Variants in SND1 observed in about 807,000 individuals in gnomAD.
The protein encoded by SND1 is staphylococcal nuclease domain-containing protein 1.
A neutral mutation model predicts 121.7 loss-of-function variants in SND1; 38 were observed. That is an observed-to-expected ratio of 0.31 (90% CI 0.24 to 0.41). The LOEUF (loss-of-function observed/expected upper bound fraction) is 0.41, where lower values mean the gene tolerates loss of function less well. SND1 is among the 10% of genes least tolerant of loss of function. The pLI, the probability that SND1 is intolerant of heterozygous loss-of-function variation, is 1.00. For missense variants in SND1, 868 were observed against 1,184.6 expected, an observed-to-expected ratio of 0.73 and a Z score of 3.92; for synonymous variants, 401 against 447.4, an observed-to-expected ratio of 0.90 and a Z score of 1.31.
chr7:128,049,108 T>C (rs1022088236), intron 16 of SND1, among the ~76,000 whole-genome samples: 14 of 152,162 alleles, frequency 9.2e-5, no homozygotes, highest in African/African-American at 2.7e-4. Context: ...TTTTGCAGTG[T>C]TCCCTCTAAC....
rs181330027 is a variant in SND1, at chr7:128,000,251, A to C, written c.1779+9195A>C. ...CAGACAAGCAGATAATTTCTTGACA[A>C]ACTAAAGATGACCTCACACAGACCT... On this transcript the variant is annotated intron_variant, in intron 16 of 23. Transcript: ENST00000354725. Among the ~76,000 whole-genome samples, 3 of 152,290 alleles carry C rather than the reference A, an allele frequency of 2.0e-5. No homozygotes were observed. The East Asian group carries it at 5.8e-4, about 29-fold the overall frequency.
chr7:128,047,153 G>T (rs1792963114), intron 16 of SND1, among the ~76,000 whole-genome samples: 1 of 152,142 alleles, frequency 6.6e-6, no homozygotes, highest in African/African-American at 2.4e-5. Context: ...AGGGGTCCAT[G>T]GCACAAAAAA....
chr7:127,861,723 G>A (rs1235675208), intron 12 of SND1, among the ~76,000 whole-genome samples: 2 of 152,126 alleles, frequency 1.3e-5, no homozygotes, highest in African/African-American at 2.4e-5. Flanking sequence ...CACCCGCCTC[G>A]GCCTCCTGAA....
At chr7:127,875,573 C>T (rs1799673207) in intron 12 of SND1, among the ~76,000 whole-genome samples, 1 of 152,100 alleles carries the variant, frequency 6.6e-6, no homozygotes, top group South Asian at 2.1e-4. Context: ...AAAAGAAAAC[C>T]AGGTTTGAAA....
intron 10 of SND1, among the ~76,000 whole-genome samples, chr7:127,774,923 G>C (rs1184157071): frequency 6.6e-6 from 1 of 152,108 alleles, no homozygotes; most frequent in Non-Finnish European, 1.5e-5. Context: ...TCTATGTTTA[G>C]TTACACAAAT....
chr7:127,945,083 G>A (rs1432332774), intron 15 of SND1, among the ~76,000 whole-genome samples: 1 of 152,146 alleles, frequency 6.6e-6, no homozygotes, highest in Non-Finnish European at 1.5e-5. Context: ...TCTTGTCACT[G>A]CTGAACCCAC....
chr7:127,934,612 G>C (rs79495479), intron 15 of SND1, among the ~76,000 whole-genome samples: 3 of 152,052 alleles, frequency 2.0e-5, no homozygotes, highest in Admixed American at 6.5e-5. Flanking sequence ...GGTCAGGAGT[G>C]GGGGGTGGTG....
intron 16 of SND1, among the ~76,000 whole-genome samples, chr7:128,057,379 A>G (rs773407244): frequency 2.6e-4 from 40 of 152,190 alleles, no homozygotes; most frequent in Non-Finnish European, 3.8e-4. Context: ...CGCTGGTAAT[A>G]TAGACCAAAA....
At chr7:128,079,084 T>C (rs1335478447) in intron 17 of SND1, among the ~76,000 whole-genome samples, 1 of 152,254 alleles carries the variant, frequency 6.6e-6, no homozygotes, top group Non-Finnish European at 1.5e-5. Context: ...TGAGTCCCAC[T>C]GATCCTCAGA....
intron 21 of SND1, among the ~76,000 whole-genome samples, chr7:128,088,690 T>A (rs951249414): frequency 1.3e-5 from 2 of 151,260 alleles, no homozygotes; most frequent in African/African-American, 2.4e-5. Context: ...TGACCTCAGG[T>A]CACCCACCCA....
chr7:127,688,337 T>C (rs535699435), intron 2 of SND1, among the ~76,000 whole-genome samples: 11 of 152,192 alleles, frequency 7.2e-5, no homozygotes, highest in African/African-American at 2.6e-4. Context: ...CAATTTGGCA[T>C]TGTTTAGTCT....
intron 3 of SND1, among the ~76,000 whole-genome samples, chr7:127,698,284 CGT>C (rs1188608150): frequency 2.0e-5 from 3 of 152,146 alleles, no homozygotes; most frequent in Non-Finnish European, 4.4e-5. Flanking sequence ...TCTGGCATAA[CGT>C]GTGATAGCCA....
At chr7:127,667,358 T>C (rs3808106) in intron 1 of SND1, among the ~76,000 whole-genome samples, 52,666 of 152,106 alleles carry the variant, frequency 0.35, 9,734 homozygotes, top group Admixed American at 0.43. Context: ...GATCTCTGGT[T>C]GGCTTTCATT....
At chr7:127,777,878 AGTT>A (rs765611666) in intron 10 of SND1, among the ~76,000 whole-genome samples, 63 of 152,224 alleles carry the variant, frequency 4.1e-4, no homozygotes, top group Admixed American at 3.1e-3. Context: ...ACAGAAGAGA[AGTT>A]GTTGTTGTTT....
At position 127,936,864 on chromosome 7, in the gene SND1, A is replaced by G. The variant is rs142212969; in HGVS notation, c.1669+7535A>G. Among the ~76,000 whole-genome samples the G allele has an allele frequency of 3.4e-3, 517 of 152,240 alleles. 2 individuals are homozygous for G. The highest frequency in any genetic ancestry group is 0.011 in the African/African-American group (473 of 41,540). The stretch of plus-strand genomic sequence containing the variant: ...ACATGGCCTCACATTTTTACCTAAA[A>G]GCCCCCAGTGGGTGTGGAGTATTTG... On this transcript the variant is annotated intron_variant, in intron 15 of 23. Coordinates refer to ENST00000354725, the MANE Select transcript of SND1 (RefSeq NM_014390.4).
At chr7:128,007,240 T>A (rs1292782327) in intron 16 of SND1, among the ~76,000 whole-genome samples, 1 of 152,120 alleles carries the variant, frequency 6.6e-6, no homozygotes, top group Non-Finnish European at 1.5e-5. Flanking sequence ...TTCCTCCTTT[T>A]TAGTATAAAG....
chr7:127,791,141 C>CTTTT (rs66878881), intron 10 of SND1, among the ~76,000 whole-genome samples: 11 of 110,848 alleles, frequency 9.9e-5, no homozygotes, highest in African/African-American at 3.1e-4. Flanking sequence ...TTTACCTCTC[C>CTTTT]TTTTTTTTTT....
At chr7:127,839,163 G>A (rs535488146) in intron 11 of SND1, among the ~76,000 whole-genome samples, 3 of 152,276 alleles carry the variant, frequency 2.0e-5, no homozygotes, top group African/African-American at 4.8e-5. Context: ...GGCAGCATCC[G>A]TGGGACTCAG....
At chr7:128,045,771 C>A (rs988072985) in intron 16 of SND1, among the ~76,000 whole-genome samples, 4 of 152,180 alleles carry the variant, frequency 2.6e-5, no homozygotes, top group Non-Finnish European at 4.4e-5. Flanking sequence ...TTCCCTCTTT[C>A]TATGCTGCCA....
Sources: allele counts gnomAD v4.1 joint callset (sites outside exome capture counted in the v4.1 genomes callset), GRCh38; gene constraint gnomAD v4.1.1; transcripts MANE v1.5; gene names NCBI Gene and HGNC (gene_info 2026-07-23, HGNC 2026-07-21).